LMNB2: variants seen among roughly 807,000 people sequenced by gnomAD.
The protein encoded by LMNB2 is lamin B2.
In LMNB2, 17 loss-of-function variants were observed where a neutral mutation model predicts 69.3. The ratio of observed to expected loss-of-function variants is 0.25; its 90% CI spans 0.17 to 0.37. LMNB2 has a LOEUF of 0.37. Ranked by LOEUF, LMNB2 falls within the 10% of genes least tolerant of loss-of-function variation. LMNB2 has a pLI of 1.00. For synonymous variants in LMNB2, 397 were observed against 389.3 expected (o/e 1.02, Z -0.23); for missense variants, 789 against 883.6 (o/e 0.89, Z 1.36).
intron 11 of LMNB2, 87 bp downstream of exon 11, chr19:2,431,461 C>T (rs996343427): frequency 3.0e-5 from 47 of 1,568,994 alleles, no homozygotes; most frequent in Admixed American, 2.8e-4. Context: ...GTCGGGGATG[C>T]GGCCAGCACG....
At chr19:2,441,674 C>T (rs1415106805) in intron 2 of LMNB2, among the ~76,000 whole-genome samples, 4 of 152,350 alleles carry the variant, frequency 2.6e-5, no homozygotes, top group African/African-American at 9.6e-5. Flanking sequence ...CACTGCGGGA[C>T]GTCCTTGCGG....
At chr19:2,435,281 C>G in intron 4 of LMNB2, 110 bp from the exon 5 acceptor site, 1 of 1,454,308 alleles carries the variant, frequency 6.9e-7, no homozygotes, top group Non-Finnish European at 9.3e-7. Flanking sequence ...TTCCTGGTTC[C>G]TTGTGCACAA....
chr19:2,436,933 GGCA>G (rs1971833620), intron 4 of LMNB2: 1 of 152,370 alleles, frequency 6.6e-6, no homozygotes, highest in African/African-American at 2.4e-5. Context: ...TTCCACCTGG[GGCA>G]CGTTCCTGGG....
In LMNB2 at chr19:2,431,615, T is replaced by G. The variant is rs1971740973; in HGVS notation, c.1754A>C (p.Glu585Ala). 3 of 1,614,134 alleles carry G rather than the reference T, an allele frequency of 1.9e-6. No individual in the cohort carries two copies. Among genetic ancestry groups the G allele is most frequent in the Non-Finnish European group, 8.5e-7 (1 of 1,180,008 alleles). ...CTCCTCTTCCTCCCCATTCTCATTC[T>G]CACGCATCACCGAGGACTTCTTCAC... Reference protein sequence around the residue: ...RTVKKSSVMRENENGEEEEEE... With the variant: ...RTVKKSSVMRANENGEEEEEE... Residue 585 changes from glutamate (E) to alanine (A), a missense_variant, in exon 11 of 12, where the codon GAG (glutamate) becomes GCG (alanine). Around this residue, in one of 3 missense-constraint regions of LMNB2, gnomAD observed 609 missense variants for 630.9 expected, o/e 0.97. Coordinates refer to ENST00000325327, the MANE Select transcript of LMNB2 (RefSeq NM_032737.4).
intron 1 of LMNB2, among the ~76,000 whole-genome samples, chr19:2,450,694 G>A (rs898172537): frequency 6.6e-6 from 1 of 152,042 alleles, no homozygotes; most frequent in African/African-American, 2.4e-5. Context: ...CTGGAGTGCA[G>A]TGGCATGATC....
rs1305094845 is a variant in LMNB2 at position 2,430,328 on chromosome 19, G to A, written c.*583C>T. Reference sequence around the variant, plus strand: ...GGTGCGCTGCCAGAACGGGAATCTGGAAGCCCAGGCAGCGGAGTGAAAACC... The same window carrying A: ...GGTGCGCTGCCAGAACGGGAATCTGAAAGCCCAGGCAGCGGAGTGAAAACC... On this transcript the variant is annotated 3_prime_UTR_variant, in exon 12 of 12. Coordinates refer to ENST00000325327, the MANE Select transcript of LMNB2 (RefSeq NM_032737.4). 1.2e-5 allele frequency: 2 copies of A among 172,520 alleles called. No individual in the cohort carries two copies. Among genetic ancestry groups the A allele is most frequent in the Non-Finnish European group, 2.5e-5 (2 of 79,320 alleles). 10.7% of individuals were successfully genotyped at this position (172,520 alleles called of 1,614,324 possible).
chr19:2,445,022 G>C (rs941043328), intron 1 of LMNB2, among the ~76,000 whole-genome samples: 1 of 152,148 alleles, frequency 6.6e-6, no homozygotes, highest in Admixed American at 6.5e-5. Flanking sequence ...TCACACTCTC[G>C]GTTTCAGAAC....
At chr19:2,434,696 C>T in intron 6 of LMNB2, 92 bp downstream of exon 6, 1 of 1,523,772 alleles carries the variant, frequency 6.6e-7, no homozygotes, top group Middle Eastern at 2.2e-4. Context: ...GCATCCGATG[C>T]CAAGAGGCCA....
At chr19:2,446,911 C>A (rs1359239588) in intron 1 of LMNB2, among the ~76,000 whole-genome samples, 1 of 152,078 alleles carries the variant, frequency 6.6e-6, no homozygotes, top group Non-Finnish European at 1.5e-5. Context: ...GAAGCCGAGG[C>A]GGGCGGATCA....
chr19:2,454,935 G>A (rs964768867), intron 1 of LMNB2, among the ~76,000 whole-genome samples: 20 of 152,050 alleles, frequency 1.3e-4, no homozygotes, highest in Admixed American at 1.0e-3. Context: ...TTCTCCTTCA[G>A]TCTGCACTGA....
chr19:2,442,034 G>A (rs1050064522), intron 2 of LMNB2, among the ~76,000 whole-genome samples: 3 of 152,222 alleles, frequency 2.0e-5, no homozygotes, highest in Non-Finnish European at 2.9e-5. Context: ...TTTCCTAAGC[G>A]CCAGGTGCTG....
rs1312287823 is a variant in LMNB2, at chr19:2,456,894, T to C, written c.40A>G (p.Arg14Gly). ...PSPGRRREQR[R>G]PRAAATMATP... is the part of the protein sequence containing the mutation. Reference sequence around the variant, plus strand: ...GCCATGGTGGCGGCGGCTCGCGGCCTGCGCTGCTCCCGACGGCGGCCCGGG... The same window carrying C: ...GCCATGGTGGCGGCGGCTCGCGGCCCGCGCTGCTCCCGACGGCGGCCCGGG... Residue 14 changes from arginine to glycine, a missense_variant, in exon 1 of 12, where the codon AGG becomes GGG. By Grantham distance (125) the Arg-to-Gly change is moderately radical. Around this residue, in one of 3 missense-constraint regions of LMNB2, gnomAD observed 35 missense variants for 23.9 expected, o/e 1.47. Transcript: ENST00000325327. 7 of 1,039,146 alleles carry C rather than the reference T, an allele frequency of 6.7e-6. No homozygotes were observed. The highest frequency in any genetic ancestry group is 5.8e-6 in the Non-Finnish European group (5 of 867,354). The allele number at this position is 1,039,146 out of a possible 1,614,324, so 64.4% of individuals were successfully genotyped here. A position where few individuals can be genotyped will look rare whatever the true frequency, so the allele number is the denominator to read the frequency against.
In LMNB2 at chr19:2,434,023, C is replaced by T. The variant is rs760709933; in HGVS notation, c.1285G>A (p.Gly429Arg). ...SSSSGSLSAT[G>R]RLGRSKRKRL... is the part of the protein sequence containing the mutation. ...TTCCGCTTACTGCGGCCCAGGCGCC[C>T]GGTGGCGGACAAGCTGCCGCTGCTG... Residue 429 changes from glycine (G) to arginine (R), a missense_variant, in exon 8 of 12, where the codon GGG becomes AGG. Around this residue, in one of 3 missense-constraint regions of LMNB2, gnomAD observed 609 missense variants for 630.9 expected, o/e 0.97. Coordinates refer to ENST00000325327, the MANE Select transcript of LMNB2 (RefSeq NM_032737.4). The T allele has an allele frequency of 2.6e-5, 42 of 1,604,432 alleles. No individual in the cohort carries two copies. The highest frequency in any genetic ancestry group is 1.7e-4 in the African/African-American group (13 of 74,766).
At position 2,438,257 on chromosome 19, in the gene LMNB2, T is replaced by A. The variant is rs778788389; in HGVS notation, c.590A>T (p.Gln197Leu). 1.2e-5 allele frequency: 19 copies of A among 1,614,070 alleles called. No homozygotes were observed. Among genetic ancestry groups the A allele is most frequent in the Middle Eastern group, 1.6e-4 (1 of 6,062 alleles). ...AEDGHAVAKKQLEKETLMRVD... is the reference protein window; with the variant it reads ...AEDGHAVAKKLLEKETLMRVD... ...ACGCATCAGCGTCTCCTTCTCCAGC[T>A]GCTTTTTGGCCACTGCATGACCGTC... The change falls in exon 4 of 12, where the codon CAG (glutamine) becomes CTG (leucine). Residue 197 changes from glutamine to leucine, a missense_variant. This residue lies in a region of LMNB2 where 609 missense variants were observed against 630.9 expected (regional missense o/e 0.97). Transcript: ENST00000325327.
intron 1 of LMNB2, among the ~76,000 whole-genome samples, chr19:2,452,886 A>G (rs896941758): frequency 6.7e-6 from 1 of 149,474 alleles, no homozygotes; most frequent in Non-Finnish European, 1.5e-5. Context: ...TGTTACCCTC[A>G]TGGAGGCTGC....
At position 2,444,544 on chromosome 19, in the gene LMNB2, G is replaced by A; in HGVS notation, c.265-4C>T. On this transcript the variant is annotated splice_polypyrimidine_tract_variant and splice_region_variant and intron_variant, in intron 1 of 11. Coordinates refer to ENST00000325327, the MANE Select transcript of LMNB2 (RefSeq NM_032737.4). Reference sequence around the variant, plus strand: ...ACAGCGCCTTGATGCCACTCACCTGGGGAGACCCAGGACAGGGTGAAGCGA... The same window carrying A: ...ACAGCGCCTTGATGCCACTCACCTGAGGAGACCCAGGACAGGGTGAAGCGA... The A allele has an allele frequency of 6.2e-7, 1 of 1,608,746 alleles. No homozygotes were observed.
At chr19:2,450,549 G>C (rs977847119) in intron 1 of LMNB2, among the ~76,000 whole-genome samples, 1 of 151,430 alleles carries the variant, frequency 6.6e-6, no homozygotes, top group Non-Finnish European at 1.5e-5. Flanking sequence ...AGGCTGAGGC[G>C]GGCAGATCAC....
chr19:2,444,653 A>T, intron 1 of LMNB2, 113 bp from the exon 2 acceptor site: 1 of 1,393,900 alleles, frequency 7.2e-7, no homozygotes, highest in Admixed American at 1.7e-5. Flanking sequence ...GCACGCAGAG[A>T]GAGAGGATGG....
At position 2,447,090 on chromosome 19, in the gene LMNB2, GC is replaced by G. The variant is rs145417619; in HGVS notation, c.265-2551del. Among the ~76,000 whole-genome samples the G allele has an allele frequency of 0.26, 39,733 of 151,698 alleles. 5,358 individuals are homozygous for G. The highest frequency in any genetic ancestry group is 0.33 in the Middle Eastern group (96 of 294). ...ACCCGGGAGGTGGAACTTGCAGTGA[GC>G]CGAGATCGCACCACTGCCCTCCAGC... is the stretch of plus-strand genomic sequence containing the variant. On this transcript the variant is annotated intron_variant, in intron 1 of 11. Transcript: ENST00000325327. This position sits in a 1 kb window ranked among gnomAD's most constrained non-coding sequence, Gnocchi z 4.4.
Sources: gnomAD v4.1 joint callset for allele counts (sites outside exome capture counted in the v4.1 genomes callset) on GRCh38, gnomAD v4.1.1 for gene constraint, gnomAD v4.1.1 regional missense constraint, Gnocchi (gnomAD v3.1) non-coding constraint, MANE v1.5 for transcripts, NCBI Gene and HGNC (gene_info 2026-07-23, HGNC 2026-07-21) for gene names.